Variants in FSD1L observed in about 807,000 individuals in gnomAD.
FSD1L encodes FSD1-like protein.
FSD1L carries 45 observed loss-of-function variants against 71.6 expected under a neutral mutation model. The ratio of observed to expected loss-of-function variants is 0.63; its 90% confidence interval spans 0.49 to 0.81. The LOEUF (loss-of-function observed/expected upper bound fraction) is 0.81, where lower values mean the gene tolerates loss of function less well. FSD1L is among the 30% of genes least tolerant of loss of function. The pLI, the probability that FSD1L is intolerant of heterozygous loss-of-function variation, is 0.00. For synonymous variants in FSD1L, 197 were observed against 207.2 expected (o/e 0.95, Z 0.42); for missense variants, 561 against 618.1 (o/e 0.91, Z 0.98).
At chr9:105,491,464 T>C (rs980599400) in intron 7 of FSD1L, among the ~76,000 whole-genome samples, 5 of 152,168 alleles carry the variant, frequency 3.3e-5, no homozygotes, top group African/African-American at 1.2e-4. Context: ...TTTGACTTCC[T>C]CTTTTCCTAA....
At chr9:105,512,420 AT>A (rs1834448332) in intron 9 of FSD1L, among the ~76,000 whole-genome samples, 1 of 152,088 alleles carries the variant, frequency 6.6e-6, no homozygotes, top group South Asian at 2.1e-4. Context: ...ACACTATGTA[AT>A]TTTATCCTTC....
chr9:105,444,126 G>T (rs1349310812), upstream of FSD1L, among the ~76,000 whole-genome samples: 1 of 152,158 alleles, frequency 6.6e-6, no homozygotes, highest in African/African-American at 2.4e-5. Context: ...GTGAGAATAG[G>T]TCTTTTAAGG....
At chr9:105,543,086 T>C (rs997498530) in intron 13 of FSD1L, among the ~76,000 whole-genome samples, 2 of 152,170 alleles carry the variant, frequency 1.3e-5, no homozygotes, top group Non-Finnish European at 2.9e-5. Flanking sequence ...GTTGCTTTTG[T>C]ATTTTGGGAG....
chr9:105,451,646 G>A (rs1395919609), intron 1 of FSD1L, among the ~76,000 whole-genome samples: 1 of 152,134 alleles, frequency 6.6e-6, no homozygotes, highest in African/African-American at 2.4e-5. Flanking sequence ...TCGAGTTTCT[G>A]GGACGCTTTC....
At chr9:105,528,601 C>G (rs934153663) in intron 10 of FSD1L, among the ~76,000 whole-genome samples, 2 of 152,142 alleles carry the variant, frequency 1.3e-5, no homozygotes, top group Non-Finnish European at 2.9e-5. Flanking sequence ...AAACTGGACC[C>G]CTTCCTTACA....
intron 7 of FSD1L, among the ~76,000 whole-genome samples, chr9:105,497,786 C>T (rs1159327356): frequency 6.6e-6 from 1 of 152,082 alleles, no homozygotes; most frequent in Non-Finnish European, 1.5e-5. Context: ...GTTTTGCTTT[C>T]AGGATTTTTT....
chr9:105,468,995 G>T (rs920544025), intron 4 of FSD1L, among the ~76,000 whole-genome samples: 1 of 152,102 alleles, frequency 6.6e-6, no homozygotes, highest in Non-Finnish European at 1.5e-5. Flanking sequence ...TACTCTACAT[G>T]TCTCATATAA....
At chr9:105,485,294 C>T (rs1196582524) in intron 7 of FSD1L, among the ~76,000 whole-genome samples, 2 of 152,144 alleles carry the variant, frequency 1.3e-5, no homozygotes, top group Non-Finnish European at 1.5e-5. Context: ...CATGATGGAG[C>T]ATAGAAGGGG....
intron 10 of FSD1L, among the ~76,000 whole-genome samples, chr9:105,533,416 C>CTTTTTTTTTTTT (rs754896606): frequency 0.011 from 306 of 29,058 alleles, 112 homozygotes; most frequent in East Asian, 0.021. Context: ...CCATTTCCAT[C>CTTTTTTTTTTTT]TTTTTTTTTT....
At chr9:105,507,669 GT>G (rs1162316884) in intron 8 of FSD1L, among the ~76,000 whole-genome samples, 2 of 151,882 alleles carry the variant, frequency 1.3e-5, no homozygotes, top group Non-Finnish European at 2.9e-5. Flanking sequence ...CATAAAAAAC[GT>G]TTCATAAATA....
At position 105,465,444 on chromosome 9, in the gene FSD1L, G is replaced by T. The variant is rs567924209; in HGVS notation, c.207+1113G>T. Among the ~76,000 whole-genome samples, 5 of 152,134 alleles carry T rather than the reference G, an allele frequency of 3.3e-5. No individual in the cohort carries two copies. In the South Asian group the frequency reaches 1.0e-3, roughly 32 times the overall value. ...ATCCCAATAATAAAGCCAAACCAGG[G>T]ATACTACAAAAGAGAGAAATACAGG... On this transcript the variant is annotated intron_variant, in intron 3 of 13. Transcript: ENST00000481272.
chr9:105,444,413 C>G (rs1448448507), upstream of FSD1L, among the ~76,000 whole-genome samples: 1 of 152,210 alleles, frequency 6.6e-6, no homozygotes, highest in Non-Finnish European at 1.5e-5. Flanking sequence ...TAAATTCACA[C>G]TGCTGACTCC....
rs117453230 is a variant in FSD1L at position 105,499,250 on chromosome 9, A to T, written c.587-7149A>T. On this transcript the variant is annotated intron_variant, in intron 7 of 13. Transcript: ENST00000481272. ...TTGTTGTCATTTATTTCACTTATGC[A>T]GCAGTATGTGTAAGCACAGATACAC... 1.4e-3 allele frequency among the ~76,000 whole-genome samples: 208 copies of T among 152,342 alleles called. 5 individuals are homozygous for T. The East Asian group carries it at 0.028, about 20-fold the overall frequency.
rs1374622618 is a variant in FSD1L, at chr9:105,535,282, C to T, written c.1342C>T (p.Pro448Ser). 1.9e-6 allele frequency: 3 copies of T among 1,551,442 alleles called. No individual in the cohort carries two copies. The highest frequency in any genetic ancestry group is 3.9e-5 in the Admixed American group (2 of 50,990). The part of the protein sequence containing the change: ...NKVKALDVTV[P>S]EKIGVFCDFD... Reference sequence around the variant, plus strand: ...AGTCAAAGCTTTGGATGTTACTGTTCCTGAAAAAATAGGTGTATTTTGTGA... The same window carrying T: ...AGTCAAAGCTTTGGATGTTACTGTTTCTGAAAAAATAGGTGTATTTTGTGA... The change falls in exon 12 of 14, where the codon CCT becomes TCT. Residue 448 changes from proline (P) to serine (S), a missense_variant. By Grantham distance (74) the Pro-to-Ser change is moderately conservative. Transcript: ENST00000481272.
intron 7 of FSD1L, among the ~76,000 whole-genome samples, chr9:105,494,945 G>A (rs925611149): frequency 6.6e-6 from 1 of 152,202 alleles, no homozygotes; most frequent in Non-Finnish European, 1.5e-5. Context: ...CTGCTCGGGG[G>A]TCAGGGGTCA....
At chr9:105,534,678 C>A in intron 11 of FSD1L, 85 bp downstream of exon 11, 1 of 753,598 alleles carries the variant, frequency 1.3e-6, no homozygotes, top group Non-Finnish European at 2.2e-6. Context: ...AAAGTGACTG[C>A]CTGTATATTG....
At chr9:105,461,220 A>G (rs1208415969) in intron 1 of FSD1L, among the ~76,000 whole-genome samples, 1 of 152,144 alleles carries the variant, frequency 6.6e-6, no homozygotes, top group Non-Finnish European at 1.5e-5. Flanking sequence ...TTTGGATGAC[A>G]TAGACCTCTT....
At chr9:105,514,619 G>A (rs1052909037) in intron 10 of FSD1L, among the ~76,000 whole-genome samples, 3 of 152,202 alleles carry the variant, frequency 2.0e-5, no homozygotes, top group African/African-American at 7.2e-5. Flanking sequence ...AGATGTTGAG[G>A]TGGTTAGGTA....
At chr9:105,479,317 A>G (rs1228067625) in intron 5 of FSD1L, 37 bp from the exon 6 acceptor site, 1 of 1,548,836 alleles carries the variant, frequency 6.5e-7, no homozygotes, top group Admixed American at 2.0e-5. Flanking sequence ...AAAAGCACTA[A>G]CTTGCCTTCT....
Sources: allele counts gnomAD v4.1 joint callset (sites outside exome capture counted in the v4.1 genomes callset), GRCh38; gene constraint gnomAD v4.1.1; transcripts MANE v1.5; gene names NCBI Gene and HGNC (gene_info 2026-07-23, HGNC 2026-07-21).